Variants in GRM8 observed in about 807,000 individuals in gnomAD.
The protein encoded by GRM8 is glutamate metabotropic receptor 8.
GRM8 carries 47 observed loss-of-function variants against 87.2 expected under a neutral mutation model. The ratio of observed to expected loss-of-function variants is 0.54; its 90% confidence interval spans 0.43 to 0.69. The LOEUF (loss-of-function observed/expected upper bound fraction) is 0.69, where lower values mean the gene tolerates loss of function less well. Ranked by LOEUF, GRM8 falls within the 30% of genes least tolerant of loss-of-function variation. The probability of loss-of-function intolerance (pLI) is 0.00; values close to 1 mark genes in which losing one functional copy is unlikely to be tolerated. For missense variants in GRM8, 1,019 were observed against 1,139.2 expected (o/e 0.89, Z 1.52); for synonymous variants, 396 against 404.5 (o/e 0.98, Z 0.25).
At chr7:127,172,167 G>T (rs963277788) in intron 2 of GRM8, among the ~76,000 whole-genome samples, 4 of 151,964 alleles carry the variant, frequency 2.6e-5, no homozygotes, top group African/African-American at 9.7e-5. Context: ...ACATGATTTT[G>T]CTAAACTTTA....
At chr7:126,628,106 G>A (rs182810072) in intron 7 of GRM8, among the ~76,000 whole-genome samples, 74 of 152,104 alleles carry the variant, frequency 4.9e-4, no homozygotes, top group African/African-American at 1.6e-3. Context: ...GTGCAGTGGC[G>A]TGATCTCAGC....
At chr7:126,698,015 G>A (rs1809556798) in intron 7 of GRM8, among the ~76,000 whole-genome samples, 1 of 152,130 alleles carries the variant, frequency 6.6e-6, no homozygotes. Flanking sequence ...GTTCTTCATG[G>A]AAGCAAGTTA....
intron 7 of GRM8, among the ~76,000 whole-genome samples, chr7:126,678,991 T>C (rs1003164527): frequency 2.0e-5 from 3 of 152,258 alleles, no homozygotes; most frequent in African/African-American, 7.2e-5. Flanking sequence ...TAATCCCATT[T>C]TTCCTTCAAG....
In GRM8 at chr7:127,051,738, G is replaced by GAAAAAAAAAAAAAAAAAA. The variant is rs1563454593; in HGVS notation, c.727+54757_727+54758insTTTTTTTTTTTTTTTTTT. On this transcript the variant is annotated intron_variant, in intron 3 of 10. Transcript: ENST00000339582. The stretch of plus-strand genomic sequence containing the variant: ...AGAAATCTCAAAAACATAATGTTGA[G>GAAAAAAAAAAAAAAAAAA]CAAAAAAAAAAAAAAAAAAAAAAAA... 2.3e-4 allele frequency among the ~76,000 whole-genome samples: 3 copies of GAAAAAAAAAAAAAAAAAA among 13,050 alleles called. 1 individual carries two copies. 8.6% of individuals were successfully genotyped at this position (13,050 alleles called of 152,430 possible). A position where few individuals can be genotyped will look rare whatever the true frequency, so the allele number is the denominator to read the frequency against.
chr7:126,532,740 A>G (rs1265668044), intron 9 of GRM8, among the ~76,000 whole-genome samples: 1 of 145,256 alleles, frequency 6.9e-6, no homozygotes. Flanking sequence ...ACAAATTCAA[A>G]GCAATGTGAC....
At chr7:127,012,650 C>T (rs1815013071) in intron 3 of GRM8, among the ~76,000 whole-genome samples, 1 of 152,072 alleles carries the variant, frequency 6.6e-6, no homozygotes, top group East Asian at 1.9e-4. Context: ...GGGTTGCTGG[C>T]TTCCTTAATG....
intron 8 of GRM8, among the ~76,000 whole-genome samples, chr7:126,549,665 G>A (rs1490650314): frequency 6.6e-6 from 1 of 152,126 alleles, no homozygotes. Flanking sequence ...TTAATAATAT[G>A]ACAAGGTTTA....
intron 2 of GRM8, among the ~76,000 whole-genome samples, chr7:127,139,164 A>G (rs990039713): frequency 3.9e-5 from 6 of 152,120 alleles, no homozygotes; most frequent in African/African-American, 1.2e-4. Flanking sequence ...GACAGTGGAA[A>G]GAACAATGTG....
chr7:127,085,654 G>A (rs1823393640), intron 3 of GRM8, among the ~76,000 whole-genome samples: 1 of 152,138 alleles, frequency 6.6e-6, no homozygotes, highest in Non-Finnish European at 1.5e-5. Context: ...TTTTGATGGG[G>A]TTGTTTTTTC....
intron 7 of GRM8, among the ~76,000 whole-genome samples, chr7:126,749,708 TG>T (rs1816181883): frequency 6.6e-6 from 1 of 152,016 alleles, no homozygotes; most frequent in African/African-American, 2.4e-5. Flanking sequence ...GATATAGGAA[TG>T]GCTAATAAGC....
At chr7:126,783,641 T>C (rs17683462) in intron 6 of GRM8, among the ~76,000 whole-genome samples, 17,020 of 152,176 alleles carry the variant, frequency 0.11, 1,394 homozygotes, top group Non-Finnish European at 0.14. Context: ...TCATTGCAAA[T>C]AGTAACAAAT....
chr7:127,017,559 C>T (rs1425374007), intron 3 of GRM8, among the ~76,000 whole-genome samples: 5 of 151,982 alleles, frequency 3.3e-5, no homozygotes, highest in Non-Finnish European at 5.9e-5. Context: ...AAGAAGGTGT[C>T]ATCATTTTCA....
chr7:127,084,335 A>G (rs943762624), intron 3 of GRM8: 3 of 152,220 alleles, frequency 2.0e-5, no homozygotes, highest in African/African-American at 7.2e-5. Context: ...AACACAAAAC[A>G]GAATAGGAGT....
chr7:126,488,882 A>G (rs1380746464), intron 9 of GRM8, among the ~76,000 whole-genome samples: 1 of 151,882 alleles, frequency 6.6e-6, no homozygotes, highest in Non-Finnish European at 1.5e-5. Flanking sequence ...ACAAATACAC[A>G]TGTGCCCCTA....
intron 3 of GRM8, among the ~76,000 whole-genome samples, chr7:126,997,738 A>G (rs755285792): frequency 6.6e-6 from 1 of 151,890 alleles, no homozygotes; most frequent in Non-Finnish European, 1.5e-5. Flanking sequence ...AACCATGAAG[A>G]AACCCAAAAA....
intron 7 of GRM8, among the ~76,000 whole-genome samples, chr7:126,732,926 A>G (rs760961707): frequency 8.5e-5 from 13 of 152,172 alleles, no homozygotes; most frequent in Non-Finnish European, 1.6e-4. Flanking sequence ...TATGGGCTAC[A>G]TGCACGTGTC....
At chr7:127,051,402 A>C (rs534146040) in intron 3 of GRM8, among the ~76,000 whole-genome samples, 1 of 152,240 alleles carries the variant, frequency 6.6e-6, no homozygotes, top group Admixed American at 6.5e-5. Context: ...ACAAAAGAGA[A>C]AATGATGGCA....
chr7:126,816,511 T>C (rs532151221), intron 6 of GRM8, among the ~76,000 whole-genome samples: 2 of 152,260 alleles, frequency 1.3e-5, no homozygotes, highest in East Asian at 1.9e-4. Flanking sequence ...AGTTCTGATA[T>C]TCAATATATA....
intron 6 of GRM8, among the ~76,000 whole-genome samples, chr7:126,810,101 A>C (rs530866813): frequency 4.7e-4 from 71 of 152,254 alleles, no homozygotes; most frequent in African/African-American, 1.6e-3. Flanking sequence ...AGACAATTCA[A>C]CTTGTCCTGG....
Sources: gnomAD v4.1 joint callset for allele counts (sites outside exome capture counted in the v4.1 genomes callset) on GRCh38, gnomAD v4.1.1 for gene constraint, MANE v1.5 for transcripts, NCBI Gene and HGNC (gene_info 2026-07-23, HGNC 2026-07-21) for gene names.